The following NRXN3 variants were observed in gnomAD, a reference collection of about 807,000 sequenced individuals.
NRXN3 encodes the protein neurexin 3.
A neutral mutation model predicts 137.6 loss-of-function variants in NRXN3; 32 were observed. The observed-to-expected ratio is 0.23, with a 90% confidence interval of 0.18 to 0.31. NRXN3 has a LOEUF of 0.31. Ranked by LOEUF, NRXN3 falls within the 10% of genes least tolerant of loss-of-function variation. The pLI is 1.00. For synonymous variants in NRXN3, 798 were observed against 784.5 expected, an observed-to-expected ratio of 1.02 and a Z score of -0.29; for missense variants, 1,574 against 2,062.5, an observed-to-expected ratio of 0.76 and a Z score of 4.59.
chr14:78,378,560 A>C (rs1170417769), intron 4 of NRXN3, among the ~76,000 whole-genome samples: 1 of 152,162 alleles, frequency 6.6e-6, no homozygotes, highest in Non-Finnish European at 1.5e-5. Context: ...AAACTCAGCC[A>C]AAGCAATGCT....
intron 4 of NRXN3, among the ~76,000 whole-genome samples, chr14:78,585,137 TAAG>T (rs979816023): frequency 9.8e-6 from 1 of 102,246 alleles, no homozygotes; most frequent in African/African-American, 4.1e-5. Context: ...ATAGGGGAGA[TAAG>T]GGGGGGGGGT....
At chr14:78,563,373 C>T (rs961175947) in intron 4 of NRXN3, among the ~76,000 whole-genome samples, 5 of 152,084 alleles carry the variant, frequency 3.3e-5, no homozygotes, top group Non-Finnish European at 5.9e-5. Flanking sequence ...GAAATGATAA[C>T]GGAAATAGGT....
At chr14:78,465,519 TTTTG>T (rs1008739819) in intron 4 of NRXN3, among the ~76,000 whole-genome samples, 27 of 152,218 alleles carry the variant, frequency 1.8e-4, no homozygotes, top group South Asian at 6.2e-4. Context: ...ATTTAAGGTT[TTTTG>T]TTTGTTTGTT....
intron 16 of NRXN3, among the ~76,000 whole-genome samples, chr14:79,580,439 T>G (rs991226795): frequency 3.1e-4 from 47 of 151,750 alleles, no homozygotes; most frequent in African/African-American, 8.5e-4. Context: ...GATTATGTTT[T>G]TTTTTTTTTT....
intron 4 of NRXN3, among the ~76,000 whole-genome samples, chr14:78,460,140 T>A (rs1313984974): frequency 6.6e-6 from 1 of 152,212 alleles, no homozygotes; most frequent in African/African-American, 2.4e-5. Flanking sequence ...ATGAAAGAGA[T>A]GCAGAGTGGG....
At chr14:78,961,904 G>A (rs958199653) in intron 11 of NRXN3, among the ~76,000 whole-genome samples, 1 of 152,190 alleles carries the variant, frequency 6.6e-6, no homozygotes, top group East Asian at 1.9e-4. Flanking sequence ...GTGCAATATG[G>A]AAGTGAATGT....
At chr14:78,792,709 T>C (rs1163145895) in intron 8 of NRXN3, among the ~76,000 whole-genome samples, 2 of 152,188 alleles carry the variant, frequency 1.3e-5, no homozygotes, top group Non-Finnish European at 2.9e-5. Context: ...TTACAGCACT[T>C]ATCACCTATG....
At chr14:78,365,566 A>G (rs1249815426) in intron 4 of NRXN3, among the ~76,000 whole-genome samples, 1 of 152,198 alleles carries the variant, frequency 6.6e-6, no homozygotes, top group African/African-American at 2.4e-5. Flanking sequence ...CTCATTCTCA[A>G]CTGCAGGGAA....
intron 16 of NRXN3, among the ~76,000 whole-genome samples, chr14:79,511,740 T>C (rs1229345010): frequency 1.3e-5 from 2 of 152,188 alleles, no homozygotes; most frequent in African/African-American, 4.8e-5. Flanking sequence ...CTCCAAATCC[T>C]ATGTTTTCTC....
chr14:78,345,177 T>C (rs214017), intron 4 of NRXN3, among the ~76,000 whole-genome samples: 115,733 of 152,022 alleles, frequency 0.76, 46,918 homozygotes, highest in Non-Finnish European at 0.9. Context: ...GCAGCTGTTA[T>C]ATTTGCTGCT....
chr14:79,450,131 C>A (rs1026940871), intron 15 of NRXN3, among the ~76,000 whole-genome samples: 1 of 152,056 alleles, frequency 6.6e-6, no homozygotes, highest in African/African-American at 2.4e-5. Context: ...TCTCTAAGTG[C>A]CCTAGAGTAA....
At chr14:78,638,108 A>G (rs181707698) in intron 4 of NRXN3, among the ~76,000 whole-genome samples, 2 of 152,198 alleles carry the variant, frequency 1.3e-5, no homozygotes, top group East Asian at 1.9e-4. Context: ...TGACAAGTTG[A>G]TTTACTATTT....
At chr14:79,516,183 C>T (rs1309723805) in intron 16 of NRXN3, among the ~76,000 whole-genome samples, 1 of 152,170 alleles carries the variant, frequency 6.6e-6, no homozygotes, top group African/African-American at 2.4e-5. Context: ...ATGTTGATTT[C>T]CATGAGGAGG....
At chr14:78,560,949 T>C (rs150920301) in intron 4 of NRXN3, among the ~76,000 whole-genome samples, 173 of 152,332 alleles carry the variant, frequency 1.1e-3, no homozygotes, top group Middle Eastern at 0.01. Flanking sequence ...TCAGGATGCT[T>C]TTTCGCATCA....
chr14:79,783,822 C>A (rs1267575324), intron 19 of NRXN3, among the ~76,000 whole-genome samples: 1 of 152,086 alleles, frequency 6.6e-6, no homozygotes, highest in Non-Finnish European at 1.5e-5. Context: ...AATCCTAATT[C>A]CTCTTCTTCA....
At chr14:78,214,303 T>C (rs1293900871) in intron 1 of NRXN3, among the ~76,000 whole-genome samples, 1 of 152,184 alleles carries the variant, frequency 6.6e-6, no homozygotes, top group Non-Finnish European at 1.5e-5. Flanking sequence ...CTTTCCTTCA[T>C]ATCTCTGCAC....
At chr14:79,435,318 A>G (rs1364939167) in intron 15 of NRXN3, among the ~76,000 whole-genome samples, 1 of 150,582 alleles carries the variant, frequency 6.6e-6, no homozygotes, top group African/African-American at 2.4e-5. Flanking sequence ...AAAAAAAGCC[A>G]TTACTTTCAT....
At chr14:79,279,791 A>G in intron 15 of NRXN3, 1 of 990,578 alleles carries the variant, frequency 1.0e-6, no homozygotes, top group Non-Finnish European at 1.2e-6. Flanking sequence ...ATTGCATCTC[A>G]TGGAAGTGGA....
At chr14:78,453,562 C>T (rs1454252003) in intron 4 of NRXN3, among the ~76,000 whole-genome samples, 1 of 152,162 alleles carries the variant, frequency 6.6e-6, no homozygotes, top group African/African-American at 2.4e-5. Flanking sequence ...TTCTTCATTC[C>T]TTTTTCCAGC....
Sources: gnomAD v4.1 joint callset for allele counts (sites outside exome capture counted in the v4.1 genomes callset) on GRCh38, gnomAD v4.1.1 for gene constraint, MANE v1.5 for transcripts, NCBI Gene and HGNC (gene_info 2026-07-23, HGNC 2026-07-21) for gene names.